The following CHODL variants were observed in gnomAD, a reference collection of about 807,000 sequenced individuals.
CHODL encodes the protein transmembrane protein MT75.
CHODL carries 29 observed loss-of-function variants against 34.5 expected under a neutral mutation model. That is an observed-to-expected ratio of 0.84 (90% CI 0.63 to 1.15). The LOEUF (loss-of-function observed/expected upper bound fraction) is 1.15, where lower values mean the gene tolerates loss of function less well. Among genes scored for constraint, CHODL ranks in the 50% most tolerant of loss-of-function variants. The probability of loss-of-function intolerance (pLI) is 0.00; values close to 1 mark genes in which losing one functional copy is unlikely to be tolerated. For synonymous variants in CHODL, 125 were observed against 116.1 expected (o/e 1.08, Z -0.49); for missense variants, 332 against 332.5 (o/e 1.00, Z 0.01).
intron 2 of CHODL, among the ~76,000 whole-genome samples, chr21:18,141,739 A>G (rs80125930): frequency 0.044 from 6,548 of 148,910 alleles, 173 homozygotes; most frequent in Middle Eastern, 0.18. Context: ...AAAAAAAAAA[A>G]GAAAATGATA....
At chr21:18,139,246 A>G (rs948736038) in intron 2 of CHODL, among the ~76,000 whole-genome samples, 2 of 151,904 alleles carry the variant, frequency 1.3e-5, no homozygotes, top group African/African-American at 2.4e-5. Context: ...TGCAAGCGGA[A>G]GACTGTGATT....
intron 1 of CHODL, among the ~76,000 whole-genome samples, chr21:17,937,081 CAA>C (rs71189570): frequency 4.9e-4 from 46 of 94,686 alleles, no homozygotes; most frequent in Middle Eastern, 0.012. Flanking sequence ...GACTCCATCT[CAA>C]AAAAAAAAAA....
chr21:17,994,736 G>A (rs924634187), intron 1 of CHODL, among the ~76,000 whole-genome samples: 3 of 152,164 alleles, frequency 2.0e-5, no homozygotes, highest in African/African-American at 7.2e-5. Flanking sequence ...CAGATGGTGT[G>A]TGTGGGTGCC....
intron 1 of CHODL, among the ~76,000 whole-genome samples, chr21:17,983,093 C>T (rs2063727255): frequency 6.6e-6 from 1 of 152,088 alleles, no homozygotes; most frequent in Non-Finnish European, 1.5e-5. Context: ...ATACGCATTC[C>T]TAGGTGTAGA....
intron 2 of CHODL, among the ~76,000 whole-genome samples, chr21:18,150,187 G>A (rs2146625090): frequency 6.6e-6 from 1 of 152,280 alleles, no homozygotes. Flanking sequence ...AAACGTCTGG[G>A]TTAAGATAAA....
chr21:18,230,709 G>T (rs938741041), intron 2 of CHODL, among the ~76,000 whole-genome samples: 2 of 151,864 alleles, frequency 1.3e-5, no homozygotes, highest in African/African-American at 4.8e-5. Flanking sequence ...TCAAAAGGTG[G>T]GCTAATATGT....
chr21:18,142,726 T>A (rs2072817891), intron 2 of CHODL, among the ~76,000 whole-genome samples: 1 of 152,168 alleles, frequency 6.6e-6, no homozygotes, highest in Non-Finnish European at 1.5e-5. Context: ...TGGTCTTTTC[T>A]TACAAAACTT....
At chr21:17,963,823 T>C (rs966946735) in intron 1 of CHODL, among the ~76,000 whole-genome samples, 12 of 152,178 alleles carry the variant, frequency 7.9e-5, no homozygotes, top group African/African-American at 2.4e-4. Context: ...GTCTCTCTTA[T>C]ATTCTTGGAA....
intron 2 of CHODL, among the ~76,000 whole-genome samples, chr21:18,119,257 C>T (rs549271768): frequency 6.6e-5 from 10 of 151,608 alleles, no homozygotes; most frequent in South Asian, 2.1e-4. Context: ...CCCAGTCATC[C>T]GCTGATCTAG....
Position 18,138,152 on chromosome 21 carries a change from AT to A in CHODL, c.-45+110182del, listed in dbSNP as rs1223573623. Among the ~76,000 whole-genome samples, 3 of 142,048 alleles carry A rather than the reference AT, an allele frequency of 2.1e-5. No homozygotes were observed. In the East Asian group the frequency reaches 6.4e-4, roughly 30 times the overall value. The allele number at this position is 142,048 out of a possible 152,430, so 93.2% of individuals were successfully genotyped here. On this transcript the variant is annotated intron_variant, in intron 2 of 6. Coordinates refer to the CHODL transcript ENST00000400127. ...TGTCCAACAACTTATATCCTGACTT[AT>A]CTTTTTTTTTTTTATGTATAGTAGG...
At chr21:18,182,093 A>G (rs955277357) in intron 2 of CHODL, among the ~76,000 whole-genome samples, 14 of 152,138 alleles carry the variant, frequency 9.2e-5, no homozygotes, top group Non-Finnish European at 1.5e-4. Flanking sequence ...CTAGGAACAG[A>G]ATTGCTGGGT....
At chr21:17,998,217 C>G (rs2063870037) in intron 1 of CHODL, among the ~76,000 whole-genome samples, 1 of 152,244 alleles carries the variant, frequency 6.6e-6, no homozygotes, top group Admixed American at 6.5e-5. Context: ...AAAATGATCT[C>G]CTTTGACTTC....
intron 1 of CHODL, among the ~76,000 whole-genome samples, chr21:17,919,280 T>C (rs1357029904): frequency 6.6e-6 from 1 of 152,148 alleles, no homozygotes. Context: ...CTAGCAGAGG[T>C]TCTCCATGAG....
intron 1 of CHODL, among the ~76,000 whole-genome samples, chr21:17,921,079 G>C (rs2063180265): frequency 6.6e-6 from 1 of 152,162 alleles, no homozygotes; most frequent in African/African-American, 2.4e-5. Flanking sequence ...TGGATGGATA[G>C]ATAGATAGAC....
chr21:17,962,530 G>T (rs1231841727), intron 1 of CHODL, among the ~76,000 whole-genome samples: 1 of 152,084 alleles, frequency 6.6e-6, no homozygotes, highest in Non-Finnish European at 1.5e-5. Context: ...TGCTGTCTGG[G>T]GTAGGGTGGC....
At chr21:18,221,194 T>C (rs1004285733) in intron 2 of CHODL, among the ~76,000 whole-genome samples, 1 of 152,156 alleles carries the variant, frequency 6.6e-6, no homozygotes, top group Non-Finnish European at 1.5e-5. Context: ...CAATTGTATT[T>C]TTAAATTTTG....
At chr21:17,992,845 G>A (rs2063810988) in intron 1 of CHODL, among the ~76,000 whole-genome samples, 1 of 150,764 alleles carries the variant, frequency 6.6e-6, no homozygotes, top group Admixed American at 6.6e-5. Flanking sequence ...GTAGAGACGG[G>A]GTTTCTCCAT....
intron 2 of CHODL, among the ~76,000 whole-genome samples, chr21:18,107,116 A>T (rs2065283121): frequency 6.6e-6 from 1 of 152,214 alleles, no homozygotes; most frequent in African/African-American, 2.4e-5. Flanking sequence ...GACTTGAAAG[A>T]AATAGGGGTA....
chr21:18,011,062 C>T (rs2064014642), intron 1 of CHODL, among the ~76,000 whole-genome samples: 2 of 152,076 alleles, frequency 1.3e-5, no homozygotes, highest in African/African-American at 4.8e-5. Context: ...TTTAAATGGT[C>T]CCGATTCCCT....
Sources: allele counts gnomAD v4.1 joint callset (sites outside exome capture counted in the v4.1 genomes callset), GRCh38; gene constraint gnomAD v4.1.1; transcripts MANE v1.5; gene names NCBI Gene and HGNC (gene_info 2026-07-23, HGNC 2026-07-21).